RAD51B: variants seen among roughly 807,000 people sequenced by gnomAD.
RAD51B encodes DNA repair protein RAD51 homolog 2.
Under a neutral mutation model 42.2 loss-of-function variants are expected in RAD51B, and 38 were observed. The ratio of observed to expected loss-of-function variants is 0.90; its 90% CI spans 0.70 to 1.18. RAD51B has a LOEUF of 1.18. Among genes scored for constraint, RAD51B ranks in the 50% most tolerant of loss-of-function variants. The pLI is 0.00. For missense variants in RAD51B, 373 were observed against 400.7 expected, an observed-to-expected ratio of 0.93 and a Z score of 0.59; for synonymous variants, 154 against 145.2, an observed-to-expected ratio of 1.06 and a Z score of -0.43.
intron 7 of RAD51B, among the ~76,000 whole-genome samples, chr14:67,987,860 C>T (rs780721747): frequency 6.6e-6 from 1 of 152,082 alleles, no homozygotes; most frequent in African/African-American, 2.4e-5. Flanking sequence ...GCTTCCTCAG[C>T]GAAATAACAG....
chr14:68,420,154 A>C (rs1029330270), intron 9 of RAD51B, among the ~76,000 whole-genome samples: 2 of 152,166 alleles, frequency 1.3e-5, no homozygotes, highest in African/African-American at 4.8e-5. Context: ...CAATATTTGA[A>C]ACCAAGTTTG....
At chr14:68,667,405 CT>C (rs1893053856) in intron 11 of RAD51B, among the ~76,000 whole-genome samples, 1 of 135,664 alleles carries the variant, frequency 7.4e-6, no homozygotes, top group Admixed American at 7.4e-5. Context: ...AGTTTCTCTG[CT>C]TTGCTTAAAG....
intron 7 of RAD51B, among the ~76,000 whole-genome samples, chr14:68,183,505 C>T (rs2079094361): frequency 6.6e-6 from 1 of 152,212 alleles, no homozygotes; most frequent in African/African-American, 2.4e-5. Flanking sequence ...TTTTTGGCAA[C>T]ACCCTCACAG....
rs1200083521 is a variant in RAD51B, at chr14:68,343,519, G to A, written c.853+51539G>A. ...AAAGTTGGAACTTACATTTAAAAGG[G>A]AAGCAGAGTGTAAAATTTTGGATAA... On this transcript the variant is annotated intron_variant, in intron 8 of 10. Transcript: ENST00000471583. Among the ~76,000 whole-genome samples, 4 of 152,242 alleles carry A rather than the reference G, an allele frequency of 2.6e-5. No individual in the cohort carries two copies. The East Asian group carries it at 7.7e-4, about 29-fold the overall frequency.
At chr14:68,326,959 C>T (rs2082263231) in intron 8 of RAD51B, among the ~76,000 whole-genome samples, 1 of 152,156 alleles carries the variant, frequency 6.6e-6, no homozygotes, top group Non-Finnish European at 1.5e-5. Flanking sequence ...CATAGCCCAA[C>T]ATCACTCTGC....
At chr14:68,213,409 A>C (rs968933172) in intron 7 of RAD51B, among the ~76,000 whole-genome samples, 1 of 152,176 alleles carries the variant, frequency 6.6e-6, no homozygotes, top group Non-Finnish European at 1.5e-5. Context: ...TTTGTCTATC[A>C]CCAAAGCCCA....
intron 7 of RAD51B, among the ~76,000 whole-genome samples, chr14:67,974,671 T>C (rs2074957587): frequency 6.6e-6 from 1 of 152,130 alleles, no homozygotes; most frequent in African/African-American, 2.4e-5. Context: ...TCACTAGATA[T>C]TTAATCAGTT....
At chr14:68,621,925 C>G (rs1205864913) in intron 10 of RAD51B, among the ~76,000 whole-genome samples, 18 of 152,218 alleles carry the variant, frequency 1.2e-4, no homozygotes, top group Admixed American at 1.2e-3. Flanking sequence ...CAACGCCACT[C>G]CCCTTTCCCA....
intron 10 of RAD51B, among the ~76,000 whole-genome samples, chr14:68,476,626 G>T (rs1189842457): frequency 6.6e-6 from 1 of 152,146 alleles, no homozygotes; most frequent in East Asian, 1.9e-4. Context: ...CAACTACCAG[G>T]ACAGGCTTAT....
At chr14:68,147,021 T>C (rs1227050760) in intron 7 of RAD51B, among the ~76,000 whole-genome samples, 2 of 152,200 alleles carry the variant, frequency 1.3e-5, no homozygotes, top group Non-Finnish European at 2.9e-5. Flanking sequence ...CAGAGGAATT[T>C]GGCAAGCATT....
intron 7 of RAD51B, among the ~76,000 whole-genome samples, chr14:68,102,867 G>A (rs1426532017): frequency 9.2e-5 from 14 of 152,162 alleles, no homozygotes; most frequent in Admixed American, 6.5e-4. Flanking sequence ...AATTTATGAA[G>A]GAAAGAGGTT....
downstream of RAD51B, among the ~76,000 whole-genome samples, chr14:68,597,294 G>A (rs1891038286): frequency 6.6e-6 from 1 of 152,168 alleles, no homozygotes; most frequent in African/African-American, 2.4e-5. Context: ...TCCCAACACT[G>A]AAATTGTTTA....
At chr14:67,994,850 A>G (rs966000599) in intron 7 of RAD51B, among the ~76,000 whole-genome samples, 1 of 152,250 alleles carries the variant, frequency 6.6e-6, no homozygotes, top group Admixed American at 6.5e-5. Context: ...ACAATAACCA[A>G]AAGGTGGAAG....
chr14:68,522,643 TG>T (rs1317637886), intron 10 of RAD51B, among the ~76,000 whole-genome samples: 2 of 152,310 alleles, frequency 1.3e-5, no homozygotes, highest in South Asian at 4.1e-4. Flanking sequence ...AGCTGAAACC[TG>T]CCTTTTTCAT....
chr14:67,966,618 T>C (rs949669823), intron 7 of RAD51B, among the ~76,000 whole-genome samples: 1 of 152,196 alleles, frequency 6.6e-6, no homozygotes, highest in Non-Finnish European at 1.5e-5. Context: ...CTTCAGACCT[T>C]TCTCTATGCA....
chr14:67,867,398 CA>C lies in RAD51B; in HGVS notation c.452+2260del, dbSNP rs751066519. On this transcript the variant is annotated intron_variant, in intron 5 of 10. Transcript: ENST00000471583. Reference sequence around the variant, plus strand: ...TGGGTCACTCAGGTCTCAGTGATGACAGAGAGACCTAGGGCATGCACATTTT... The same window carrying C: ...TGGGTCACTCAGGTCTCAGTGATGACGAGAGACCTAGGGCATGCACATTTT... 8.5e-5 allele frequency among the ~76,000 whole-genome samples: 13 copies of C among 152,324 alleles called. No individual in the cohort carries two copies. In the East Asian group the frequency reaches 2.5e-3, roughly 29 times the overall value.
At chr14:68,103,186 C>A (rs971076654) in intron 7 of RAD51B, among the ~76,000 whole-genome samples, 4 of 152,162 alleles carry the variant, frequency 2.6e-5, no homozygotes, top group Admixed American at 6.5e-5. Context: ...CAATGCATGT[C>A]TTTTGAGTTG....
chr14:67,987,916 G>A (rs998667976), intron 7 of RAD51B, among the ~76,000 whole-genome samples: 1 of 152,188 alleles, frequency 6.6e-6, no homozygotes, highest in Non-Finnish European at 1.5e-5. Flanking sequence ...TAACTGAAGT[G>A]GGAGGTTTTT....
At chr14:68,312,340 T>G (rs1165595602) in intron 8 of RAD51B, among the ~76,000 whole-genome samples, 1 of 152,256 alleles carries the variant, frequency 6.6e-6, no homozygotes, top group Non-Finnish European at 1.5e-5. Context: ...TCTGCTTCTC[T>G]GCTGTCTTCT....
Sources: gnomAD v4.1 joint callset for allele counts (sites outside exome capture counted in the v4.1 genomes callset) on GRCh38, gnomAD v4.1.1 for gene constraint, MANE v1.5 for transcripts, NCBI Gene and HGNC (gene_info 2026-07-23, HGNC 2026-07-21) for gene names.